Variants in PLCE1 observed in about 807,000 individuals in gnomAD.
The protein encoded by PLCE1 is 1-phosphatidylinositol 4,5-bisphosphate phosphodiesterase epsilon-1.
Under a neutral mutation model 242.8 loss-of-function variants are expected in PLCE1, and 119 were observed. The ratio of observed to expected loss-of-function variants is 0.49; its 90% CI spans 0.42 to 0.57. The LOEUF (loss-of-function observed/expected upper bound fraction) is 0.57. Among genes scored for constraint, PLCE1 ranks in the 20% least tolerant of loss-of-function variants. PLCE1 has a pLI of 0.00. For missense variants in PLCE1, 2,441 were observed against 2,788.8 expected (o/e 0.88, Z 2.81); for synonymous variants, 945 against 1,017.4 (o/e 0.93, Z 1.35).
At chr10:94,002,539 T>C (rs2060951618) in intron 1 of PLCE1, among the ~76,000 whole-genome samples, 1 of 152,214 alleles carries the variant, frequency 6.6e-6, no homozygotes, top group Non-Finnish European at 1.5e-5. Context: ...AAATCTTTAA[T>C]CCAAAAATAA....
At chr10:94,099,718 C>T (rs1019915637) in intron 2 of PLCE1, 2 of 152,134 alleles carry the variant, frequency 1.3e-5, no homozygotes, top group Admixed American at 6.5e-5. Context: ...ACAGAACCAT[C>T]TATAAACATA....
intron 3 of PLCE1, among the ~76,000 whole-genome samples, chr10:94,167,168 G>A (rs1048245145): frequency 6.6e-6 from 1 of 152,180 alleles, no homozygotes; most frequent in Non-Finnish European, 1.5e-5. Context: ...ACACACGCCT[G>A]TAATCCCAGC....
chr10:94,108,913 T>C (rs188077117), intron 2 of PLCE1: 2 of 152,366 alleles, frequency 1.3e-5, no homozygotes, highest in East Asian at 1.9e-4. Flanking sequence ...ACTTTGTCTC[T>C]TAAGAGCACT....
At chr10:94,135,909 C>A (rs2046755734) in intron 3 of PLCE1, among the ~76,000 whole-genome samples, 1 of 152,056 alleles carries the variant, frequency 6.6e-6, no homozygotes, top group South Asian at 2.1e-4. Flanking sequence ...AAAACTTGTA[C>A]CTATATGAAG....
chr10:94,160,210 GT>G (rs764664062), intron 3 of PLCE1, among the ~76,000 whole-genome samples: 3 of 152,116 alleles, frequency 2.0e-5, no homozygotes, highest in Non-Finnish European at 4.4e-5. Flanking sequence ...TTCCACAATG[GT>G]TGAACTAGTT....
At chr10:94,241,690 T>C (rs1405703469) in intron 7 of PLCE1, among the ~76,000 whole-genome samples, 1 of 150,680 alleles carries the variant, frequency 6.6e-6, no homozygotes, top group Non-Finnish European at 1.5e-5. Context: ...CTCAGGAGGC[T>C]GAGGCAGAAT....
chr10:94,224,163 A>G (rs1475943274), intron 4 of PLCE1, among the ~76,000 whole-genome samples: 3 of 152,102 alleles, frequency 2.0e-5, no homozygotes, highest in African/African-American at 4.8e-5. Flanking sequence ...TGCTTACATA[A>G]TCTCAACAAC....
At chr10:94,184,444 C>A (rs2048406436) in intron 4 of PLCE1, among the ~76,000 whole-genome samples, 2 of 152,212 alleles carry the variant, frequency 1.3e-5, no homozygotes, top group South Asian at 4.1e-4. Context: ...ATTGTCCTGC[C>A]TCAGCCTCTC....
intron 5 of PLCE1, among the ~76,000 whole-genome samples, chr10:94,229,101 G>C (rs187049802): frequency 1.9e-3 from 288 of 151,910 alleles, no homozygotes; most frequent in African/African-American, 6.2e-3. Flanking sequence ...AGAATCGCTT[G>C]AACCAGGAGG....
chr10:94,173,295 C>G (rs548892440), intron 4 of PLCE1, among the ~76,000 whole-genome samples: 1 of 152,234 alleles, frequency 6.6e-6, no homozygotes, highest in Admixed American at 6.5e-5. Context: ...GTCCCACCCC[C>G]AAACTGAGTA....
At chr10:94,038,916 AC>A (rs2061715630) in intron 2 of PLCE1, among the ~76,000 whole-genome samples, 1 of 152,152 alleles carries the variant, frequency 6.6e-6, no homozygotes, top group Non-Finnish European at 1.5e-5. Context: ...GCCCTAAGGA[AC>A]CACTAATCCA....
intron 4 of PLCE1, among the ~76,000 whole-genome samples, chr10:94,218,778 C>A (rs2049615226): frequency 6.6e-6 from 1 of 151,194 alleles, no homozygotes; most frequent in Non-Finnish European, 1.5e-5. Flanking sequence ...CAACTGGGAC[C>A]AAGAAGTGGT....
chr10:94,183,244 A>G (rs1334748944), intron 4 of PLCE1, among the ~76,000 whole-genome samples: 1 of 152,208 alleles, frequency 6.6e-6, no homozygotes, highest in Non-Finnish European at 1.5e-5. Flanking sequence ...AAAAGATTTA[A>G]ACATTCATAA....
chr10:94,098,153 A>T (rs2045385353), intron 2 of PLCE1, among the ~76,000 whole-genome samples: 1 of 152,046 alleles, frequency 6.6e-6, no homozygotes, highest in Non-Finnish European at 1.5e-5. Flanking sequence ...AGGAGACTGA[A>T]CTCTCGTGGA....
intron 3 of PLCE1, among the ~76,000 whole-genome samples, chr10:94,146,478 A>G (rs1279952706): frequency 6.6e-6 from 1 of 152,216 alleles, no homozygotes; most frequent in Non-Finnish European, 1.5e-5. Context: ...GAGTGCTCTC[A>G]GTGCAGTCGG....
intron 1 of PLCE1, among the ~76,000 whole-genome samples, chr10:94,029,888 G>A (rs1469641799): frequency 2.0e-5 from 3 of 152,134 alleles, no homozygotes; most frequent in African/African-American, 4.8e-5. Flanking sequence ...CTCATCATGG[G>A]CACCTTCTAG....
At chr10:94,227,849 C>CT in intron 5 of PLCE1, among the ~76,000 whole-genome samples, 1 of 152,336 alleles carries the variant, frequency 6.6e-6, no homozygotes, top group East Asian at 1.9e-4. Flanking sequence ...ACCAACTGCC[C>CT]TTAGTAATAA....
In PLCE1 at chr10:94,171,109, C is replaced by A. The variant is rs1250953150; in HGVS notation, c.1493-71C>A. On this transcript the variant is annotated intron_variant, in intron 3 of 32. Coordinates refer to ENST00000371380, the MANE Select transcript of PLCE1 (RefSeq NM_016341.4). ...AAAGAACATACAAGATTTGGAATGG[C>A]TCTCAAGTAAATATCTGTTGCAGGG... 5 of 1,222,606 alleles carry A rather than the reference C, an allele frequency of 4.1e-6. No homozygotes were observed. The South Asian group carries it at 6.0e-5, about 15-fold the overall frequency. The allele number at this position is 1,222,606 out of a possible 1,614,324, so 75.7% of individuals were successfully genotyped here.
At chr10:94,322,311 C>A (rs2053841339) in intron 30 of PLCE1, among the ~76,000 whole-genome samples, 2 of 151,748 alleles carry the variant, frequency 1.3e-5, no homozygotes, top group South Asian at 4.2e-4. Context: ...CTATGACTGG[C>A]CACTGCACTG....
Sources: gnomAD v4.1 joint callset for allele counts (sites outside exome capture counted in the v4.1 genomes callset) on GRCh38, gnomAD v4.1.1 for gene constraint, MANE v1.5 for transcripts, NCBI Gene and HGNC (gene_info 2026-07-23, HGNC 2026-07-21) for gene names.